RBFOX2: variants seen among roughly 807,000 people sequenced by gnomAD.
The protein encoded by RBFOX2 is RNA binding fox-1 homolog 2.
Under a neutral mutation model 49.1 loss-of-function variants are expected in RBFOX2, and 10 were observed. The ratio of observed to expected loss-of-function variants is 0.20; its 90% CI spans 0.13 to 0.35. The LOEUF (loss-of-function observed/expected upper bound fraction) is 0.35, where lower values mean the gene tolerates loss of function less well. Among genes scored for constraint, RBFOX2 ranks in the 10% least tolerant of loss-of-function variants. RBFOX2 has a pLI of 1.00. For missense variants in RBFOX2, 323 were observed against 486.9 expected (o/e 0.66, Z 3.17); for synonymous variants, 183 against 187.4 (o/e 0.98, Z 0.19).
At chr22:35,802,714 G>C (rs1462287349) in intron 2 of RBFOX2, among the ~76,000 whole-genome samples, 1 of 152,140 alleles carries the variant, frequency 6.6e-6, no homozygotes, top group Non-Finnish European at 1.5e-5. Flanking sequence ...TGAGGCTGTG[G>C]TCTGAAGAGG....
intron 1 of RBFOX2, among the ~76,000 whole-genome samples, chr22:35,865,027 T>C (rs1309265329): frequency 6.6e-6 from 1 of 152,260 alleles, no homozygotes; most frequent in East Asian, 1.9e-4. Context: ...AATGCTACTC[T>C]GCAGAAGTAT....
intron 1 of RBFOX2, among the ~76,000 whole-genome samples, chr22:35,875,610 GTGT>G (rs1569441276): frequency 0.025 from 376 of 14,834 alleles, 2 homozygotes; most frequent in South Asian, 0.079. Context: ...TCACAAGGGT[GTGT>G]GTGTGTGTGT....
At chr22:35,799,024 C>CTATA (rs1187202676) in intron 2 of RBFOX2, among the ~76,000 whole-genome samples, 1 of 152,150 alleles carries the variant, frequency 6.6e-6, no homozygotes, top group Non-Finnish European at 1.5e-5. Context: ...GCCTTTAGAA[C>CTATA]AACTATAAGC....
chr22:35,833,049 AC>A (rs1338254308), intron 1 of RBFOX2, among the ~76,000 whole-genome samples: 3 of 152,208 alleles, frequency 2.0e-5, no homozygotes, highest in African/African-American at 7.2e-5. Flanking sequence ...TATCATATGT[AC>A]CCCATAAATA....
chr22:35,845,223 C>G (rs571200029), upstream of RBFOX2, among the ~76,000 whole-genome samples: 3 of 152,294 alleles, frequency 2.0e-5, no homozygotes, highest in African/African-American at 7.2e-5. Context: ...TTACACCTAA[C>G]AGATATTAAA....
chr22:35,989,328 C>T (rs1326437434), intron 1 of RBFOX2, among the ~76,000 whole-genome samples: 1 of 152,060 alleles, frequency 6.6e-6, no homozygotes, highest in Non-Finnish European at 1.5e-5. Flanking sequence ...GAAGGGATAA[C>T]AAAAATGCAC....
At chr22:35,782,045 C>T (rs1293710456) in intron 2 of RBFOX2, among the ~76,000 whole-genome samples, 1 of 152,140 alleles carries the variant, frequency 6.6e-6, no homozygotes, top group Non-Finnish European at 1.5e-5. Flanking sequence ...CATGGAGATA[C>T]ATTAGGATCT....
chr22:35,771,756 G>T (rs1203677286), intron 4 of RBFOX2, among the ~76,000 whole-genome samples: 1 of 152,072 alleles, frequency 6.6e-6, no homozygotes, highest in Non-Finnish European at 1.5e-5. Flanking sequence ...CATGAACTCA[G>T]ATCTTAAAAT....
Position 35,917,375 on chromosome 22 carries a change from G to GC in RBFOX2, c.-34+21471_-34+21472insG, listed in dbSNP as rs542185561. Among the ~76,000 whole-genome samples, 1,330 of 152,226 alleles carry GC rather than the reference G, an allele frequency of 8.7e-3. 12 individuals are homozygous for GC. The highest frequency in any genetic ancestry group is 0.013 in the Non-Finnish European group (868 of 68,006). Reference sequence around the variant, plus strand: ...AGGGTCATGGGGCAGGAAAATGTCAGAAAGCAAGGCCCATTCTGGAATTCT... The same window carrying GC: ...AGGGTCATGGGGCAGGAAAATGTCAGCAAAGCAAGGCCCATTCTGGAATTCT... On this transcript the variant is annotated intron_variant, in intron 1 of 13. Coordinates refer to the RBFOX2 transcript ENST00000359369.
At chr22:35,845,591 G>A (rs1303639395) in intron 1 of RBFOX2, among the ~76,000 whole-genome samples, 1 of 152,110 alleles carries the variant, frequency 6.6e-6, no homozygotes, top group Non-Finnish European at 1.5e-5. Flanking sequence ...ACATGTCTTT[G>A]GGTAACTTAT....
At chr22:35,868,111 C>G (rs2043901261) in intron 1 of RBFOX2, among the ~76,000 whole-genome samples, 1 of 152,070 alleles carries the variant, frequency 6.6e-6, no homozygotes, top group African/African-American at 2.4e-5. Flanking sequence ...ACTCAGGCGA[C>G]TGAGGCAGAG....
intron 1 of RBFOX2, chr22:36,000,132 C>T (rs2058355420): frequency 6.6e-6 from 1 of 150,840 alleles, no homozygotes; most frequent in Non-Finnish European, 1.5e-5. Flanking sequence ...TCCCGAATAG[C>T]TAGGATTACG....
intron 1 of RBFOX2, chr22:35,821,756 C>T (rs1407745808): frequency 1.9e-6 from 1 of 518,714 alleles, no homozygotes; most frequent in East Asian, 5.4e-5. Flanking sequence ...GCTCTGACCA[C>T]CCCCAAGCTT....
chr22:35,881,180 C>T (rs2045840044), intron 1 of RBFOX2, among the ~76,000 whole-genome samples: 4 of 152,098 alleles, frequency 2.6e-5, no homozygotes, highest in African/African-American at 7.2e-5. Flanking sequence ...AGGAGAATGG[C>T]GTGAACCTGG....
At chr22:35,767,076 C>T (rs962734426) in intron 5 of RBFOX2, among the ~76,000 whole-genome samples, 1 of 152,042 alleles carries the variant, frequency 6.6e-6, no homozygotes, top group Non-Finnish European at 1.5e-5. Context: ...TAAAACCAGC[C>T]AAACTGGAGT....
At chr22:36,023,911 ACTCT>A (rs1018350146) in intron 1 of RBFOX2, among the ~76,000 whole-genome samples, 1 of 151,670 alleles carries the variant, frequency 6.6e-6, no homozygotes, top group Non-Finnish European at 1.5e-5. Context: ...AGCATCACAG[ACTCT>A]CTGGCGTTTC....
chr22:35,741,321 T>C (rs1045115415), exon 12 of RBFOX2: 1 of 152,292 alleles, frequency 6.6e-6, no homozygotes, highest in Non-Finnish European at 1.5e-5. Context: ...TGTACTGTGA[T>C]TTAGCATCAG....
intron 1 of RBFOX2, among the ~76,000 whole-genome samples, chr22:35,909,180 T>C (rs2049479946): frequency 6.6e-6 from 1 of 152,136 alleles, no homozygotes; most frequent in Non-Finnish European, 1.5e-5. Context: ...TTATCAGGTT[T>C]GGTGCAGTGG....
At chr22:35,883,406 C>G (rs941234629) in intron 1 of RBFOX2, among the ~76,000 whole-genome samples, 1 of 152,186 alleles carries the variant, frequency 6.6e-6, no homozygotes, top group Non-Finnish European at 1.5e-5. Context: ...GACGGAGAGG[C>G]CTTGAGTGTG....
Sources: allele counts gnomAD v4.1 joint callset (sites outside exome capture counted in the v4.1 genomes callset), GRCh38; gene constraint gnomAD v4.1.1; transcripts MANE v1.5; gene names NCBI Gene and HGNC (gene_info 2026-07-23, HGNC 2026-07-21).